Variants in CPSF2 observed in about 807,000 individuals in gnomAD.
CPSF2 encodes the protein cleavage and polyadenylation specific factor 2.
A neutral mutation model predicts 84.2 loss-of-function variants in CPSF2; 51 were observed. The ratio of observed to expected loss-of-function variants is 0.61; its 90% confidence interval spans 0.48 to 0.77. The LOEUF (loss-of-function observed/expected upper bound fraction) is 0.77. Ranked by LOEUF, CPSF2 falls within the 30% of genes least tolerant of loss-of-function variation. CPSF2 has a pLI of 0.00. For synonymous variants in CPSF2, 286 were observed against 311.9 expected (o/e 0.92, Z 0.87); for missense variants, 641 against 929.4 (o/e 0.69, Z 4.03).
chr14:92,160,304 A>G (rs2069355331), intron 14 of CPSF2, among the ~76,000 whole-genome samples: 1 of 152,224 alleles, frequency 6.6e-6, no homozygotes, highest in South Asian at 2.1e-4. Context: ...CAGTTCAAAT[A>G]ACTTTTGGTT....
rs141334420 is a variant in CPSF2, at chr14:92,131,004, T to A, written c.20T>A (p.Leu7Ter). 2.7e-5 allele frequency: 43 copies of A among 1,610,938 alleles called. No individual in the cohort carries two copies. The highest frequency in any genetic ancestry group is 1.3e-5 in the African/African-American group (1 of 74,802). MTSIIK[L>*]TTLSGVQEES... The stretch of plus-strand genomic sequence containing the variant: ...AAAAAAATGACGTCTATTATCAAAT[T>A]AACTACCCTTTCTGGGGTCCAAGAA... Residue 7 changes from leucine (L) to a stop codon, truncating the protein, a stop_gained, in exon 3 of 16, where the codon TTA becomes TAA. Coordinates refer to ENST00000298875, the MANE Select transcript of CPSF2 (RefSeq NM_017437.3). LOFTEE classifies it high-confidence loss of function.
At chr14:92,129,550 C>G (rs74074423) in intron 2 of CPSF2, among the ~76,000 whole-genome samples, 1,840 of 152,124 alleles carry the variant, frequency 0.012, 41 homozygotes, top group African/African-American at 0.042. Context: ...ACTCGGTGGC[C>G]TTCTCTCCTA....
chr14:92,161,467 T>C (rs2069371012), intron 15 of CPSF2, among the ~76,000 whole-genome samples, 185 bp from the exon 16 acceptor site: 1 of 152,224 alleles, frequency 6.6e-6, no homozygotes. Context: ...TTTAATTATT[T>C]GAATCTTCTG....
chr14:92,125,840 A>C (rs1436997253), intron 1 of CPSF2, among the ~76,000 whole-genome samples: 2 of 152,106 alleles, frequency 1.3e-5, no homozygotes, highest in African/African-American at 2.4e-5. Flanking sequence ...ACCAATCCTT[A>C]GTGAGTAATC....
At chr14:92,147,964 A>G (rs540442171) in intron 9 of CPSF2, among the ~76,000 whole-genome samples, 111 of 152,324 alleles carry the variant, frequency 7.3e-4, no homozygotes, top group South Asian at 2.9e-3. Flanking sequence ...GCCTCAAACA[A>G]TTCTCCCACC....
intron 9 of CPSF2, among the ~76,000 whole-genome samples, chr14:92,150,067 T>G (rs1241354462): frequency 6.6e-6 from 1 of 152,160 alleles, no homozygotes; most frequent in East Asian, 1.9e-4. Context: ...CTTGTATGTT[T>G]ATTTGAGTCG....
Position 92,165,796 on chromosome 14 carries a change from A to G in CPSF2, c.*4052A>G, listed in dbSNP as rs953101381. The G allele has an allele frequency of 4.2e-5, 6 of 141,392 alleles. No individual in the cohort carries two copies. Among genetic ancestry groups the G allele is most frequent in the African/African-American group, 1.6e-4 (6 of 37,898 alleles). 8.8% of individuals were successfully genotyped at this position (141,392 alleles called of 1,614,324 possible). A position where few individuals can be genotyped will look rare whatever the true frequency, so the allele number is the denominator to read the frequency against. On this transcript the variant is annotated 3_prime_UTR_variant, in exon 16 of 16. Transcript: ENST00000298875. ...GTAGTTTGAAGCACAAAAGTTTTTA[A>G]TTTTGATAAAGTCCAGTTTGTTTTT...
intron 15 of CPSF2, 103 bp downstream of exon 15, chr14:92,161,349 T>TC: frequency 2.2e-6 from 3 of 1,349,202 alleles, no homozygotes; most frequent in Non-Finnish European, 3.0e-6. Flanking sequence ...AAACTGAAGA[T>TC]CAGTAATTTA....
At chr14:92,159,630 T>C (rs1420089972) in intron 14 of CPSF2, among the ~76,000 whole-genome samples, 1 of 152,166 alleles carries the variant, frequency 6.6e-6, no homozygotes, top group Non-Finnish European at 1.5e-5. Flanking sequence ...GAGACTACAG[T>C]GAGCCACAAT....
rs536612271 is a variant in CPSF2 at position 92,132,253 on chromosome 14, GC to G, written c.149+1122del. Among the ~76,000 whole-genome samples the G allele has an allele frequency of 1.5e-3, 225 of 151,860 alleles. 2 individuals are homozygous for G. Among genetic ancestry groups the G allele is most frequent in the African/African-American group, 5.2e-3 (215 of 41,430 alleles). On this transcript the variant is annotated intron_variant, in intron 3 of 15. Coordinates refer to ENST00000298875, the MANE Select transcript of CPSF2 (RefSeq NM_017437.3). ...GGGTTCAAGTTATTCTCCTTCCTCA[GC>G]CTCCCAAGTAGCTGAGATTACAGGC...
At chr14:92,153,605 G>T (rs2069249086) in intron 9 of CPSF2, among the ~76,000 whole-genome samples, 1 of 151,676 alleles carries the variant, frequency 6.6e-6, no homozygotes, top group African/African-American at 2.4e-5. Context: ...TTGAGACAGG[G>T]TCTTGCTCTG....
In CPSF2 at chr14:92,138,499, G is replaced by A. The variant is rs2069030360; in HGVS notation, c.661+152G>A. On this transcript the variant is annotated intron_variant, in intron 7 of 15. Transcript: ENST00000298875. The stretch of plus-strand genomic sequence containing the variant: ...GGCTGGAGTGAAGTGGCGCGATCTC[G>A]GCTCACTGTAACTTCCGCCTCCTGG... 3 of 437,080 alleles carry A rather than the reference G, an allele frequency of 6.9e-6. No individual in the cohort carries two copies. The East Asian group carries it at 1.2e-4, about 17-fold the overall frequency. 27.1% of individuals were successfully genotyped at this position (437,080 alleles called of 1,614,324 possible).
In CPSF2 at chr14:92,138,015, T is replaced by C. The variant is rs572824277; in HGVS notation, c.546-217T>C. Among the ~76,000 whole-genome samples, 32 of 152,326 alleles carry C rather than the reference T, an allele frequency of 2.1e-4. No individual in the cohort carries two copies. In the South Asian group the frequency reaches 6.4e-3, roughly 31 times the overall value. The stretch of plus-strand genomic sequence containing the variant: ...TAGCAGGATGTACACCAAAATATTA[T>C]GTCAGTTATCTCTGAGTAATGGTAC... On this transcript the variant is annotated intron_variant, in intron 6 of 15. Coordinates refer to ENST00000298875, the MANE Select transcript of CPSF2 (RefSeq NM_017437.3).
rs2069424268 is a variant in CPSF2, at chr14:92,164,964, A to C, written c.*3220A>C. 1 of 152,190 alleles carries C rather than the reference A, an allele frequency of 6.6e-6. No individual in the cohort carries two copies. Among genetic ancestry groups the C allele is most frequent in the Non-Finnish European group, 1.5e-5 (1 of 68,028 alleles). 9.4% of individuals were successfully genotyped at this position (152,190 alleles called of 1,614,324 possible). On this transcript the variant is annotated 3_prime_UTR_variant, in exon 16 of 16. Coordinates refer to ENST00000298875, the MANE Select transcript of CPSF2 (RefSeq NM_017437.3). ...CTTCCTATGACCCCTGGCAGCCATT[A>C]ATCTACTTTCTGTCTCCTTGAATTT...
chr14:92,123,166 C>T (rs2068799337), intron 1 of CPSF2, among the ~76,000 whole-genome samples: 3 of 152,098 alleles, frequency 2.0e-5, no homozygotes, highest in Admixed American at 6.6e-5. Flanking sequence ...CTCGCTCTGT[C>T]GCCCAGGCTG....
rs1183631661 is a variant in CPSF2, at chr14:92,143,211, A to G, written c.1057A>G (p.Ile353Val). 4 of 1,613,660 alleles carry G rather than the reference A, an allele frequency of 2.5e-6. No individual in the cohort carries two copies. Among genetic ancestry groups the G allele is most frequent in the East Asian group, 2.2e-5 (1 of 44,888 alleles). The change falls in exon 9 of 16, where the codon ATC (isoleucine) becomes GTC (valine). Residue 353 changes from isoleucine (I) to valine (V), a missense_variant. Ile to Val is a conservative substitution (Grantham distance 29, BLOSUM62 3). This residue lies in a region of CPSF2 where 430 missense variants were observed against 553.6 expected (regional missense o/e 0.78). Coordinates refer to ENST00000298875, the MANE Select transcript of CPSF2 (RefSeq NM_017437.3). ...GTGGTGTCAGGACCCTAAAAACTCA[A>G]TCATTCTAACCTACAGAACTACTCC... ...IQWCQDPKNS[I>V]ILTYRTTPGT...
At position 92,161,187 on chromosome 14, in the gene CPSF2, A is replaced by T. The variant is rs544046075; in HGVS notation, c.2197A>T (p.Ile733Phe). 3 of 1,613,892 alleles carry T rather than the reference A, an allele frequency of 1.9e-6. No individual in the cohort carries two copies. The highest frequency in any genetic ancestry group is 1.1e-5 in the South Asian group (1 of 91,042). The change falls in exon 15 of 16, where the codon ATT becomes TTT. Residue 733 changes from isoleucine to phenylalanine, a missense_variant. By Grantham distance (21) the Ile-to-Phe change is conservative. Around this residue, in one of 2 missense-constraint regions of CPSF2, gnomAD observed 430 missense variants for 553.6 expected, o/e 0.78. Transcript: ENST00000298875. ...CAAGCAAGTTCTCTTACGGGAGGGG[A>T]TTCAAGCTGAATTTGTAGGAGGTGT... ...DFKQVLLREG[I>F]QAEFVGGVLV... is the part of the protein sequence containing the mutation.
In CPSF2 at chr14:92,159,262, G is replaced by A; in HGVS notation, c.2101G>A (p.Glu701Lys). 6.2e-7 allele frequency: 1 copy of A among 1,603,330 alleles called. No homozygotes were observed. Among genetic ancestry groups the A allele is most frequent in the Non-Finnish European group, 8.5e-7 (1 of 1,173,620 alleles). Residue 701 changes from glutamate to lysine, a missense_variant, in exon 14 of 16, where the codon GAA becomes AAA. By Grantham distance (56) the Glu-to-Lys change is moderately conservative. Transcript: ENST00000298875. ...GEESEIIPTL[E>K]PLPPHEVPGH... ...AGAAAGTGAGATCATTCCTACTTTG[G>A]AACCCTTGCCACCTCATGAGGTAAA...
chr14:92,135,567 A>G (rs561075269), intron 6 of CPSF2, 71 bp downstream of exon 6: 2 of 1,476,320 alleles, frequency 1.4e-6, no homozygotes, highest in Non-Finnish European at 1.8e-6. Context: ...AAAAAATAAG[A>G]AACACAGTTT....
Sources: allele counts gnomAD v4.1 joint callset (sites outside exome capture counted in the v4.1 genomes callset), GRCh38; gene constraint gnomAD v4.1.1; regional missense constraint gnomAD v4.1.1; transcripts MANE v1.5; gene names NCBI Gene and HGNC (gene_info 2026-07-23, HGNC 2026-07-21).